The following CSTPP1 variants were observed in gnomAD, a reference collection of about 807,000 sequenced individuals.
CSTPP1 encodes the protein centriolar satellite-associated tubulin polyglutamylase complex regulator 1, also known as UPF0705 protein C11orf49.
the CSTPP1 span, among the ~76,000 whole-genome samples, chr11:47,150,909 T>G: frequency 4.0e-5 from 5 of 125,812 alleles, no homozygotes; most frequent in Admixed American, 9.3e-5. Context: ...TTTTTTGACA[T>G]GGAGTCTTGC....
At chr11:47,048,686 G>A in the CSTPP1 span, among the ~76,000 whole-genome samples, 1 of 151,940 alleles carries the variant, frequency 6.6e-6, no homozygotes, top group African/African-American at 2.4e-5. Context: ...GGGCAGAAGG[G>A]GGTGTTGTTG....
chr11:47,036,973 G>A, the CSTPP1 span, among the ~76,000 whole-genome samples: 12 of 127,072 alleles, frequency 9.4e-5, 4 homozygotes, highest in Non-Finnish European at 1.7e-4. Context: ...GAGCCACCAC[G>A]CCCAGCCTAT....
the CSTPP1 span, among the ~76,000 whole-genome samples, chr11:47,047,507 G>A: frequency 1.3e-5 from 2 of 152,162 alleles, no homozygotes; most frequent in Non-Finnish European, 2.9e-5. Context: ...TTCAACCAAT[G>A]GTGCTGGGAA....
chr11:47,041,310 A>T, the CSTPP1 span: 1 of 261,302 alleles, frequency 3.8e-6, no homozygotes, highest in Admixed American at 5.0e-5. Flanking sequence ...ATACAGGGAT[A>T]GAACTCAGGG....
the CSTPP1 span, among the ~76,000 whole-genome samples, chr11:47,106,306 C>T: frequency 6.6e-6 from 1 of 152,186 alleles, no homozygotes; most frequent in Admixed American, 6.5e-5. Flanking sequence ...ACAAAAGCTA[C>T]ACCTGATTGT....
chr11:47,031,077 C>T, the CSTPP1 span, among the ~76,000 whole-genome samples: 3 of 152,178 alleles, frequency 2.0e-5, no homozygotes, highest in African/African-American at 4.8e-5. Context: ...TTGGTAGTCC[C>T]TGAGCTATTG....
chr11:46,948,084 G>A, the CSTPP1 span: 5 of 456,124 alleles, frequency 1.1e-5, no homozygotes, highest in South Asian at 3.1e-5. Context: ...ACACGTCTTC[G>A]GCTTTGCTTG....
At chr11:47,048,329 A>T in the CSTPP1 span, among the ~76,000 whole-genome samples, 1 of 152,296 alleles carries the variant, frequency 6.6e-6, no homozygotes, top group East Asian at 1.9e-4. Context: ...TTAAAAAGAA[A>T]ATAAATTTAT....
At chr11:47,033,229 AT>A in the CSTPP1 span, among the ~76,000 whole-genome samples, 115,307 of 151,758 alleles carry the variant, frequency 0.76, 44,521 homozygotes, top group African/African-American at 0.84. Context: ...GTGATTTCTG[AT>A]TTTTTTTGCC....
chr11:46,947,787 C>G, the CSTPP1 span, among the ~76,000 whole-genome samples: 4 of 152,164 alleles, frequency 2.6e-5, no homozygotes, highest in African/African-American at 9.7e-5. Context: ...TCTGTAATCT[C>G]AGACAGAAAT....
the CSTPP1 span, among the ~76,000 whole-genome samples, chr11:47,058,784 G>A: frequency 6.6e-6 from 1 of 152,184 alleles, no homozygotes; most frequent in African/African-American, 2.4e-5. Flanking sequence ...GCCAATGCCA[G>A]GAGAAGCCAT....
At chr11:47,110,074 T>G in the CSTPP1 span, among the ~76,000 whole-genome samples, 1 of 152,206 alleles carries the variant, frequency 6.6e-6, no homozygotes, top group Non-Finnish European at 1.5e-5. Flanking sequence ...CCACCCTCAG[T>G]CACTGTGTAT....
At chr11:47,155,982 G>A in the CSTPP1 span, 1 of 152,284 alleles carries the variant, frequency 6.6e-6, no homozygotes, top group East Asian at 1.9e-4. Flanking sequence ...ATGGAGTGCC[G>A]GGTTTACAAA....
the CSTPP1 span, among the ~76,000 whole-genome samples, chr11:46,981,791 G>C: frequency 6.6e-6 from 1 of 151,998 alleles, no homozygotes; most frequent in African/African-American, 2.4e-5. Context: ...TCGTTGGGTT[G>C]TATAAGAATT....
chr11:46,970,871 C>A, the CSTPP1 span, among the ~76,000 whole-genome samples: 2 of 152,032 alleles, frequency 1.3e-5, no homozygotes, highest in Admixed American at 6.6e-5. Flanking sequence ...AATCCACATG[C>A]CCATCAATAA....
the CSTPP1 span, among the ~76,000 whole-genome samples, chr11:46,968,548 A>T: frequency 5.7e-4 from 86 of 151,666 alleles, 1 homozygote; most frequent in East Asian, 5.8e-4. Context: ...AAGCCTTTTG[A>T]TAAAATTATC....
chr11:46,945,632 TAAATA>T, the CSTPP1 span, among the ~76,000 whole-genome samples: 1 of 151,920 alleles, frequency 6.6e-6, no homozygotes, highest in Non-Finnish European at 1.5e-5. Context: ...TAATAATAAA[TAAATA>T]AAATAATTAT....
chr11:47,038,274 G>C, the CSTPP1 span, among the ~76,000 whole-genome samples: 1 of 113,560 alleles, frequency 8.8e-6, no homozygotes, highest in Non-Finnish European at 2.1e-5. Flanking sequence ...CTGGCCGGGC[G>C]GGGGGCTGAC....
chr11:47,153,999 G>C, the CSTPP1 span, among the ~76,000 whole-genome samples: 1 of 152,136 alleles, frequency 6.6e-6, no homozygotes, highest in East Asian at 1.9e-4. Context: ...GAGTGCAGTG[G>C]TGTGATCTCC....
Sources: allele counts gnomAD v4.1 joint callset (sites outside exome capture counted in the v4.1 genomes callset), GRCh38; gene constraint gnomAD v4.1.1; transcripts MANE v1.5; gene names NCBI Gene and HGNC (gene_info 2026-07-23, HGNC 2026-07-21).